Variants in TMEM132B observed in about 807,000 individuals in gnomAD.
TMEM132B encodes the protein transmembrane protein 132B.
Under a neutral mutation model 90.8 loss-of-function variants are expected in TMEM132B, and 18 were observed. The observed-to-expected ratio is 0.20, with a 90% CI of 0.14 to 0.29. The LOEUF is 0.29. Ranked by LOEUF, TMEM132B falls within the 10% of genes least tolerant of loss-of-function variation. The probability of loss-of-function intolerance (pLI) is 1.00; values close to 1 mark genes in which losing one functional copy is unlikely to be tolerated. For missense variants in TMEM132B, 1,096 were observed against 1,326.8 expected (o/e 0.83, Z 2.70); for synonymous variants, 504 against 523.3 (o/e 0.96, Z 0.50).
Position 125,561,784 on chromosome 12 carries a change from T to C in TMEM132B, c.1294-22067T>C, listed in dbSNP as rs190661135. On this transcript the variant is annotated intron_variant, in intron 4 of 8. Coordinates refer to ENST00000682704, the MANE Select transcript of TMEM132B (RefSeq NM_001366854.1). ...TAAACCATGCTATAAACAGAGGGGC[T>C]ATCATCCGGGCTTTGTTGTTTCATT... Among the ~76,000 whole-genome samples, 40 of 152,250 alleles carry C rather than the reference T, an allele frequency of 2.6e-4. 1 individual carries two copies. Among genetic ancestry groups the C allele is most frequent in the Admixed American group, 2.4e-3 (36 of 15,298 alleles).
chr12:125,396,707 A>G (rs954139806), intron 2 of TMEM132B, among the ~76,000 whole-genome samples: 7 of 151,934 alleles, frequency 4.6e-5, no homozygotes, highest in Admixed American at 2.0e-4. Context: ...GGATCTTGCT[A>G]TGTTTCCCAG....
At chr12:125,272,022 G>A (rs541062819) in intron 1 of TMEM132B, among the ~76,000 whole-genome samples, 5 of 152,214 alleles carry the variant, frequency 3.3e-5, no homozygotes, top group African/African-American at 9.6e-5. Context: ...TAGATACCGC[G>A]GCTTGCCAAA....
intron 5 of TMEM132B, among the ~76,000 whole-genome samples, chr12:125,609,362 T>C (rs968521117): frequency 9.2e-5 from 14 of 152,218 alleles, no homozygotes; most frequent in Non-Finnish European, 1.6e-4. Context: ...TCAACTTTGT[T>C]CTTTTTCAAG....
At chr12:125,518,398 C>A (rs78844646) in intron 3 of TMEM132B, among the ~76,000 whole-genome samples, 1 of 152,164 alleles carries the variant, frequency 6.6e-6, no homozygotes, top group African/African-American at 2.4e-5. Context: ...GACTTCTCAG[C>A]CTACATTGGT....
rs1418120291 is a variant in TMEM132B at position 125,593,157 on chromosome 12, A to T, written c.1437+9163A>T. 3.3e-5 allele frequency among the ~76,000 whole-genome samples: 5 copies of T among 152,282 alleles called. No homozygotes were observed. In the East Asian group the frequency reaches 9.7e-4, roughly 29 times the overall value. ...TAAGTTGTCAGGCAGTTTGGATGTTATTGCCTAATTTTGTCCTTCTTTATG... is the reference window on the plus strand; with the variant it reads ...TAAGTTGTCAGGCAGTTTGGATGTTTTTGCCTAATTTTGTCCTTCTTTATG... On this transcript the variant is annotated intron_variant, in intron 5 of 8. Transcript: ENST00000682704.
intron 4 of TMEM132B, among the ~76,000 whole-genome samples, chr12:125,579,712 A>G (rs1389238697): frequency 1.3e-5 from 2 of 152,150 alleles, no homozygotes; most frequent in African/African-American, 2.4e-5. Flanking sequence ...CTTTGAATAT[A>G]TTCAAAACAT....
Position 125,636,258 on chromosome 12 carries a change from A to G in TMEM132B, c.1438-7818A>G, listed in dbSNP as rs114165142. ...CCTCTTCCCCGGGTTTGATTGCTAT[A>G]TGGTTACACTCAGTGCACCATCGGC... On this transcript the variant is annotated intron_variant, in intron 5 of 8. Transcript: ENST00000682704. Among the ~76,000 whole-genome samples, 485 of 152,148 alleles carry G rather than the reference A, an allele frequency of 3.2e-3. 4 individuals are homozygous for G. Among genetic ancestry groups the G allele is most frequent in the African/African-American group, 0.011 (469 of 41,510 alleles).
Position 125,186,568 on chromosome 12 carries a change from C to T in TMEM132B, c.-232C>T, listed in dbSNP as rs111581339. 0.037 allele frequency among the ~76,000 whole-genome samples: 5,469 copies of T among 146,826 alleles called. 132 individuals carry two copies. Among genetic ancestry groups the T allele is most frequent in the Non-Finnish European group, 0.058 (3,808 of 65,922 alleles). On this transcript the variant is annotated 5_prime_UTR_variant, in exon 1 of 9. Coordinates refer to ENST00000682704, the MANE Select transcript of TMEM132B (RefSeq NM_001366854.1). The surrounding 1 kb of genome is among the most constrained non-coding windows in gnomAD (Gnocchi z 6.3). The stretch of plus-strand genomic sequence containing the variant: ...GGCCAGGGCGCGGGGCGCTGAGCCT[C>T]GGCCGCCCCAGCTCCCCAGCCACGC...
At chr12:125,435,536 T>G (rs769863145) in intron 3 of TMEM132B, among the ~76,000 whole-genome samples, 2 of 152,174 alleles carry the variant, frequency 1.3e-5, no homozygotes, top group Non-Finnish European at 2.9e-5. Flanking sequence ...TCAGCGCGTA[T>G]TACAGAGCCC....
intron 3 of TMEM132B, among the ~76,000 whole-genome samples, chr12:125,484,399 G>T (rs1475289694): frequency 6.6e-6 from 1 of 152,084 alleles, no homozygotes; most frequent in Admixed American, 6.5e-5. Context: ...TGTGGCTGGG[G>T]CTGTAAATCA....
At chr12:125,456,705 C>T (rs559327458) in intron 3 of TMEM132B, among the ~76,000 whole-genome samples, 36 of 152,296 alleles carry the variant, frequency 2.4e-4, no homozygotes, top group African/African-American at 8.4e-4. Flanking sequence ...CAGGCCTCCC[C>T]ACTGCAGTCT....
At chr12:125,412,864 T>C (rs1212460756) in intron 2 of TMEM132B, among the ~76,000 whole-genome samples, 1 of 152,078 alleles carries the variant, frequency 6.6e-6, no homozygotes, top group Admixed American at 6.6e-5. Flanking sequence ...TGGAACATCA[T>C]GACGGCAAGA....
At chr12:125,204,460 T>C (rs1873136415) in intron 1 of TMEM132B, among the ~76,000 whole-genome samples, 1 of 116,290 alleles carries the variant, frequency 8.6e-6, no homozygotes, top group African/African-American at 2.7e-5. Flanking sequence ...GCACTGTGCT[T>C]AGCTCTTTAT....
chr12:125,336,545 G>A (rs2136213547), intron 1 of TMEM132B, among the ~76,000 whole-genome samples: 1 of 152,306 alleles, frequency 6.6e-6, no homozygotes, highest in African/African-American at 2.4e-5. Context: ...TCTGGGAAAT[G>A]AAAGAATCAT....
intron 5 of TMEM132B, among the ~76,000 whole-genome samples, chr12:125,612,856 T>C (rs1247868952): frequency 1.5e-5 from 2 of 132,324 alleles, no homozygotes; most frequent in East Asian, 4.3e-4. Context: ...TATATTTATA[T>C]ATTATATAAA....
rs148982106 is a variant in TMEM132B at position 125,378,220 on chromosome 12, C to T, written c.959+27877C>T. Among the ~76,000 whole-genome samples, 246 of 152,206 alleles carry T rather than the reference C, an allele frequency of 1.6e-3. 2 individuals carry two copies. Among genetic ancestry groups the T allele is most frequent in the African/African-American group, 5.6e-3 (232 of 41,522 alleles). Reference sequence around the variant, plus strand: ...TGGATATAGGGTGGATCTCTTCCTTCGGCTTGTCACTAATTCCAGGAAACT... The same window carrying T: ...TGGATATAGGGTGGATCTCTTCCTTTGGCTTGTCACTAATTCCAGGAAACT... On this transcript the variant is annotated intron_variant, in intron 2 of 8. Transcript: ENST00000682704.
chr12:125,514,214 A>G (rs1275340520), intron 3 of TMEM132B, among the ~76,000 whole-genome samples: 1 of 151,626 alleles, frequency 6.6e-6, no homozygotes, highest in African/African-American at 2.4e-5. Flanking sequence ...CCCACCCCCA[A>G]CGAGTTTTAC....
At chr12:125,327,810 T>A (rs1208172575) in intron 1 of TMEM132B, among the ~76,000 whole-genome samples, 2 of 152,170 alleles carry the variant, frequency 1.3e-5, no homozygotes, top group East Asian at 3.9e-4. Flanking sequence ...AAAAAAAATC[T>A]GTGGCTGGCA....
intron 2 of TMEM132B, among the ~76,000 whole-genome samples, chr12:125,372,958 C>T (rs536483083): frequency 5.9e-5 from 9 of 152,346 alleles, no homozygotes; most frequent in Non-Finnish European, 8.8e-5. Flanking sequence ...CTGGTCTCTC[C>T]TTGCCATTCA....
Sources: allele counts gnomAD v4.1 joint callset (sites outside exome capture counted in the v4.1 genomes callset), GRCh38; gene constraint gnomAD v4.1.1; non-coding constraint Gnocchi (gnomAD v3.1); transcripts MANE v1.5; gene names NCBI Gene and HGNC (gene_info 2026-07-23, HGNC 2026-07-21).